The following KCNK16 variants were observed in gnomAD, a reference collection of about 807,000 sequenced individuals.
KCNK16 encodes potassium two pore domain channel subfamily K member 16, also known as potassium channel subfamily K member 16.
A neutral mutation model predicts 23.0 loss-of-function variants in KCNK16; 23 were observed. That is an observed-to-expected ratio of 1.00 (90% CI 0.72 to 1.41). The LOEUF (loss-of-function observed/expected upper bound fraction) is 1.41, where lower values mean the gene tolerates loss of function less well. Among genes scored for constraint, KCNK16 ranks in the 40% most tolerant of loss-of-function variants. The probability of loss-of-function intolerance (pLI) is 0.00; values close to 1 mark genes in which losing one functional copy is unlikely to be tolerated. For synonymous variants in KCNK16, 145 were observed against 153.5 expected (o/e 0.94, Z 0.41); for missense variants, 327 against 365.8 (o/e 0.89, Z 0.87).
At chr6:39,321,223 G>T (rs1266327630) in intron 1 of KCNK16, among the ~76,000 whole-genome samples, 1 of 152,102 alleles carries the variant, frequency 6.6e-6, no homozygotes, top group Non-Finnish European at 1.5e-5. Context: ...TGCTGATTCT[G>T]GTCCCGGGAC....
chr6:39,322,591 T>A lies in KCNK16; in HGVS notation c.-51A>T, dbSNP rs990417700. 16 of 1,530,442 alleles carry A rather than the reference T, an allele frequency of 1.0e-5. No homozygotes were observed. The highest frequency in any genetic ancestry group is 1.4e-5 in the Non-Finnish European group (16 of 1,142,328). The allele number at this position is 1,530,442 out of a possible 1,614,324, so 94.8% of individuals were successfully genotyped here. A position where few individuals can be genotyped will look rare whatever the true frequency, so the allele number is the denominator to read the frequency against. ...CGTGGGGCTGGCTATGGGGGAGAGG[T>A]GGGAAACAGGTGAGGAGTAAGCACC... On this transcript the variant is annotated 5_prime_UTR_variant, in exon 1 of 5. Transcript: ENST00000437525.
intron 3 of KCNK16, 69 bp downstream of exon 3, chr6:39,317,717 C>A: frequency 2.1e-6 from 3 of 1,447,566 alleles, no homozygotes; most frequent in Non-Finnish European, 2.8e-6. Flanking sequence ...ATCTCAGCAT[C>A]GGCTTCTGGG....
chr6:39,315,492 G>A, downstream of KCNK16: 1 of 1,436,672 alleles, frequency 7.0e-7, no homozygotes, highest in Non-Finnish European at 9.3e-7. Context: ...GAGGTCCTAA[G>A]CTTTGTTCAC....
At chr6:39,321,811 C>T (rs1762523596) in intron 1 of KCNK16, among the ~76,000 whole-genome samples, 1 of 152,224 alleles carries the variant, frequency 6.6e-6, no homozygotes, top group South Asian at 2.1e-4. Context: ...TGCAAACAGG[C>T]CAGGAAAGGA....
rs146660139 is a variant in KCNK16, at chr6:39,316,819, G to A, written c.624C>T (p.Ile208=). ...CCCCAAAGCCAATGGTGCTGAGAGT[G>A]ATGAAAGCAAAGTAGAAGCCCTCGC... The part of the protein sequence containing the change: ...SFSEGFYFAF[I]TLSTIGFGDY... The change falls in exon 4 of 5, where the codon ATC becomes ATT. Residue 208 remains isoleucine (I), a synonymous_variant. Transcript: ENST00000437525. The A allele has an allele frequency of 1.4e-5, 22 of 1,614,198 alleles. No individual in the cohort carries two copies. In the East Asian group the frequency reaches 2.5e-4, roughly 18 times the overall value.
At chr6:39,315,026 T>C (rs1294603939), downstream of KCNK16, 3 of 1,608,284 alleles carry the variant, frequency 1.9e-6, no homozygotes, top group South Asian at 3.3e-5. Flanking sequence ...CTTTCTTGGA[T>C]ATGGGGAAGT....
Position 39,316,390 on chromosome 6 carries a change from G to T in KCNK16, c.714C>A (p.Ile238=). Reference sequence around the variant, plus strand: ...GCCACGCCAGGCCCAGGAGGATCCAGATGGCTGCCAGGCTCCGATACACTG... The same window carrying T: ...GCCACGCCAGGCCCAGGAGGATCCATATGGCTGCCAGGCTCCGATACACTG... The part of the protein sequence containing the change: ...YISVYRSLAA[I]WILLGLAWLA... The change falls in exon 5 of 5, where the codon ATC becomes ATA. Residue 238 remains isoleucine (I), a synonymous_variant. Transcript: ENST00000437525. 3.7e-6 allele frequency: 6 copies of T among 1,611,860 alleles called. No individual in the cohort carries two copies. The highest frequency in any genetic ancestry group is 4.2e-6 in the Non-Finnish European group (5 of 1,179,082).
At chr6:39,314,617 C>A, downstream of KCNK16, 1 of 426,498 alleles carries the variant, frequency 2.3e-6, no homozygotes, top group Non-Finnish European at 4.1e-6. Flanking sequence ...TGACCGCAGG[C>A]GCTGAGGGAA....
At chr6:39,315,466 T>G (rs1762275135), downstream of KCNK16, 1 of 1,520,382 alleles carries the variant, frequency 6.6e-7, no homozygotes, top group Non-Finnish European at 8.9e-7. Context: ...TTCAGGAAAG[T>G]GGGTAGGACA....
intron 1 of KCNK16, 111 bp downstream of exon 1, chr6:39,322,217 T>C: frequency 6.8e-7 from 1 of 1,474,484 alleles, no homozygotes; most frequent in Non-Finnish European, 9.0e-7. Flanking sequence ...CACACTCTTC[T>C]TCCAAATGGG....
chr6:39,316,202 G>C lies in KCNK16; in HGVS notation c.*17C>G, dbSNP rs926547510. The C allele has an allele frequency of 2.3e-5, 35 of 1,500,252 alleles. No homozygotes were observed. The African/African-American group carries it at 4.4e-4, about 19-fold the overall frequency. 92.9% of individuals were successfully genotyped at this position (1,500,252 alleles called of 1,614,324 possible). A position where few individuals can be genotyped will look rare whatever the true frequency, so the allele number is the denominator to read the frequency against. The stretch of plus-strand genomic sequence containing the variant: ...CTGGGGAGGATGAAAGGGGTTTCTG[G>C]GCCCCCCCCGGGGGCCTCATGCAGA... On this transcript the variant is annotated 3_prime_UTR_variant, in exon 5 of 5. Transcript: ENST00000437525.
intron 3 of KCNK16, among the ~76,000 whole-genome samples, 173 bp downstream of exon 3, chr6:39,317,613 T>C (rs552263114): frequency 1.5e-4 from 23 of 152,344 alleles, no homozygotes; most frequent in Admixed American, 1.2e-3. Context: ...TTGTAGAGCA[T>C]GCATAGAGAT....
rs577209925 is a variant in KCNK16, at chr6:39,322,640, G to A, written c.-100C>T. Reference sequence around the variant, plus strand: ...CCTAGGGGCCTGTGCCCAGGCTGCCGCCTGCCCTGCCCTCCTCCTCGGCAC... The same window carrying A: ...CCTAGGGGCCTGTGCCCAGGCTGCCACCTGCCCTGCCCTCCTCCTCGGCAC... On this transcript the variant is annotated 5_prime_UTR_variant, in exon 1 of 5. Coordinates refer to ENST00000437525, the MANE Select transcript of KCNK16 (RefSeq NM_001135106.2). The A allele has an allele frequency of 1.3e-4, 192 of 1,461,226 alleles. No individual in the cohort carries two copies. The highest frequency in any genetic ancestry group is 1.5e-4 in the Non-Finnish European group (161 of 1,106,856). 90.5% of individuals were successfully genotyped at this position (1,461,226 alleles called of 1,614,324 possible).
chr6:39,319,154 G>C lies in KCNK16; in HGVS notation c.214-21C>G. The C allele has an allele frequency of 1.3e-6, 2 of 1,494,848 alleles. No individual in the cohort carries two copies. The highest frequency in any genetic ancestry group is 1.9e-6 in the Non-Finnish European group (2 of 1,072,020). The allele number at this position is 1,494,848 out of a possible 1,614,324, so 92.6% of individuals were successfully genotyped here. On this transcript the variant is annotated intron_variant, in intron 1 of 4. Transcript: ENST00000437525. The surrounding 1 kb of genome is among the most constrained non-coding windows in gnomAD (Gnocchi z 4.2). The stretch of plus-strand genomic sequence containing the variant: ...ATGACCTGTAGGGGGTGGCATGGCA[G>C]GGGAGGAAGAAGGAGCTGATGGTTA...
At chr6:39,317,354 G>C (rs1022898363) in intron 3 of KCNK16, among the ~76,000 whole-genome samples, 3 of 152,238 alleles carry the variant, frequency 2.0e-5, no homozygotes. Context: ...ACAAAAGGAT[G>C]TTGGAGTTCT....
chr6:39,315,487 C>T, downstream of KCNK16: 1 of 1,461,038 alleles, frequency 6.8e-7, no homozygotes, highest in Non-Finnish European at 9.2e-7. Flanking sequence ...CCCAAGAGGT[C>T]CTAAGCTTTG....
At chr6:39,315,392 G>C (rs988463651), downstream of KCNK16, 4 of 1,551,322 alleles carry the variant, frequency 2.6e-6, no homozygotes, top group Non-Finnish European at 3.5e-6. Context: ...CTCTTGAGAA[G>C]GCAGGAGCCC....
chr6:39,320,429 C>A (rs1762473428), intron 1 of KCNK16, among the ~76,000 whole-genome samples: 1 of 152,180 alleles, frequency 6.6e-6, no homozygotes, highest in South Asian at 2.1e-4. Context: ...TGCCGGTGGG[C>A]GGATGCAGGT....
Position 39,316,944 on chromosome 6 carries a change from G to GTCCTC in KCNK16, c.498_499insGAGGA (p.Leu167GlufsTer12). 1 of 1,609,004 alleles carries GTCCTC rather than the reference G, an allele frequency of 6.2e-7. No homozygotes were observed. The highest frequency in any genetic ancestry group is 8.5e-7 in the Non-Finnish European group (1 of 1,178,022). ...AACAGAGCCAGGCCCAGGACTTGCAGTACCTAGGAGGGAGGGAGTTGGCCT... is the reference window on the plus strand; with the variant it reads ...AACAGAGCCAGGCCCAGGACTTGCAGTCCTCTACCTAGGAGGGAGGGAGTTGGCCT... On this transcript the variant is annotated frameshift_variant, in exon 4 of 5. Coordinates refer to ENST00000437525, the MANE Select transcript of KCNK16 (RefSeq NM_001135106.2). LOFTEE classifies it high-confidence loss of function.
Sources: allele counts gnomAD v4.1 joint callset (sites outside exome capture counted in the v4.1 genomes callset), GRCh38; gene constraint gnomAD v4.1.1; non-coding constraint Gnocchi (gnomAD v3.1); transcripts MANE v1.5; gene names NCBI Gene and HGNC (gene_info 2026-07-23, HGNC 2026-07-21).